ANPEP: variants seen among roughly 807,000 people sequenced by gnomAD.
ANPEP encodes the protein alanyl aminopeptidase, membrane.
In ANPEP, 70 loss-of-function variants were observed where a neutral mutation model predicts 114.6. The ratio of observed to expected loss-of-function variants is 0.61; its 90% CI spans 0.50 to 0.75. The LOEUF (loss-of-function observed/expected upper bound fraction) is 0.75. ANPEP is among the 30% of genes least tolerant of loss of function. ANPEP has a pLI of 0.00. For missense variants in ANPEP, 1,184 were observed against 1,259.5 expected, an observed-to-expected ratio of 0.94 and a Z score of 0.91; for synonymous variants, 548 against 522.3, an observed-to-expected ratio of 1.05 and a Z score of -0.67.
At chr15:89,813,749 C>A (rs1219458109) in intron 1 of ANPEP, among the ~76,000 whole-genome samples, 1 of 152,202 alleles carries the variant, frequency 6.6e-6, no homozygotes, top group Non-Finnish European at 1.5e-5. Context: ...CCTGAGGGGC[C>A]CTCTGGTCCA....
At chr15:89,801,866 G>C (rs375391781) in intron 10 of ANPEP, among the ~76,000 whole-genome samples, 1 of 152,232 alleles carries the variant, frequency 6.6e-6, no homozygotes, top group African/African-American at 2.4e-5. Context: ...AGGTGTGTAT[G>C]TCAGGGAGGG....
intron 1 of ANPEP, among the ~76,000 whole-genome samples, chr15:89,811,078 C>T (rs1023551977): frequency 2.0e-5 from 3 of 152,308 alleles, no homozygotes; most frequent in East Asian, 1.9e-4. Context: ...GAGGGCAACA[C>T]GTGCTTGTGG....
At position 89,806,233 on chromosome 15, in the gene ANPEP, A is replaced by C. The variant is rs1894710007; in HGVS notation, c.351T>G (p.Thr117=). The C allele has an allele frequency of 3.1e-6, 5 of 1,614,020 alleles. No individual in the cohort carries two copies. The South Asian group carries it at 5.5e-5, about 18-fold the overall frequency. Residue 117 remains threonine, a synonymous_variant, in exon 2 of 21, where the codon ACT becomes ACG. Transcript: ENST00000300060. The surrounding 1 kb of genome is among the most constrained non-coding windows in gnomAD (Gnocchi z 5.7). The part of the protein sequence containing the change: ...STVRFTCKEA[T]DVIIIHSKKL... ...TCTTGCTGTGGATGATGATGACGTCAGTGGCCTCCTTGCAGGTGAAACGGA... is the reference window on the plus strand; with the variant it reads ...TCTTGCTGTGGATGATGATGACGTCCGTGGCCTCCTTGCAGGTGAAACGGA...
In ANPEP at chr15:89,806,029, C is replaced by T. The variant is rs769559685; in HGVS notation, c.555G>A (p.Glu185=). 6.2e-7 allele frequency: 1 copy of T among 1,611,438 alleles called. No individual in the cohort carries two copies. Among genetic ancestry groups the T allele is most frequent in the African/African-American group, 1.3e-5 (1 of 75,000 alleles). ...AGAAGCCCGCCAGGTCATCTGCCAACTCCCCCTCGAACTCGCTGTCCATCT... is the reference window on the plus strand; with the variant it reads ...AGAAGCCCGCCAGGTCATCTGCCAATTCCCCCTCGAACTCGCTGTCCATCT... The part of the protein sequence containing the change: ...QYEMDSEFEG[E]LADDLAGFYR... The change falls in exon 2 of 21, where the codon GAG becomes GAA. Residue 185 remains glutamate, a synonymous_variant. Transcript: ENST00000300060. The surrounding 1 kb of genome is among the most constrained non-coding windows in gnomAD (Gnocchi z 5.7).
intron 4 of ANPEP, 59 bp from the exon 5 acceptor site, chr15:89,804,676 G>T: frequency 6.3e-7 from 1 of 1,588,548 alleles, no homozygotes; most frequent in South Asian, 1.1e-5. Context: ...GGGCAGGTGG[G>T]CTGGGTCCCA....
chr15:89,807,585 C>A (rs533626109), intron 1 of ANPEP, among the ~76,000 whole-genome samples: 13 of 152,246 alleles, frequency 8.5e-5, no homozygotes, highest in African/African-American at 3.1e-4. Flanking sequence ...GTCTGTAATC[C>A]CAGCTACTTG....
In ANPEP at chr15:89,806,100, G is replaced by C; in HGVS notation, c.484C>G (p.Leu162Val). ...KTELVEPTEY[L>V]VVHLKGSLVK... Reference sequence around the variant, plus strand: ...AGGGAGCCCTTGAGGTGCACCACCAGGTACTCGGTGGGCTCCACCAGCTCA... The same window carrying C: ...AGGGAGCCCTTGAGGTGCACCACCACGTACTCGGTGGGCTCCACCAGCTCA... Residue 162 changes from leucine (L) to valine (V), a missense_variant, in exon 2 of 21, where the codon CTG (leucine) becomes GTG (valine). Transcript: ENST00000300060. This position sits in a 1 kb window ranked among gnomAD's most constrained non-coding sequence, Gnocchi z 5.7. 6.2e-7 allele frequency: 1 copy of C among 1,614,110 alleles called. No homozygotes were observed. Among genetic ancestry groups the C allele is most frequent in the Non-Finnish European group, 8.5e-7 (1 of 1,179,996 alleles).
rs370456207 is a variant in ANPEP at position 89,801,552 on chromosome 15, C to A, written c.1625G>T (p.Arg542Leu). The part of the protein sequence containing the change: ...LPTTVRDIMN[R>L]WTLQMGFPVI... ...CGGGAAGCCCATCTGCAGGGTCCAG[C>A]GGTTCATGATGTCCCGCACGGTGGT... Residue 542 changes from arginine to leucine, a missense_variant, in exon 11 of 21, where the codon CGC becomes CTC. By Grantham distance (102) the Arg-to-Leu change is moderately radical. Transcript: ENST00000300060. 1.2e-6 allele frequency: 2 copies of A among 1,614,172 alleles called. No individual in the cohort carries two copies. The highest frequency in any genetic ancestry group is 1.7e-6 in the Non-Finnish European group (2 of 1,179,998).
At chr15:89,809,874 C>T (rs988469763) in intron 1 of ANPEP, among the ~76,000 whole-genome samples, 11 of 152,250 alleles carry the variant, frequency 7.2e-5, no homozygotes, top group Admixed American at 4.6e-4. Flanking sequence ...CAGCTGCCAG[C>T]GTCTCCCCAG....
chr15:89,800,805 G>A (rs112938613), intron 12 of ANPEP, among the ~76,000 whole-genome samples: 18,182 of 151,984 alleles, frequency 0.12, 1,204 homozygotes, highest in Middle Eastern at 0.33. Context: ...AGGTCGCCTC[G>A]GCCTCCCAAA....
chr15:89,804,934 C>G, intron 4 of ANPEP, 144 bp downstream of exon 4: 1 of 1,215,872 alleles, frequency 8.2e-7, no homozygotes, highest in Admixed American at 2.3e-5. Context: ...AACCAGAGAA[C>G]AAGACACTTG....
intron 1 of ANPEP, among the ~76,000 whole-genome samples, chr15:89,812,364 C>T (rs1257288071): frequency 6.6e-6 from 1 of 152,210 alleles, no homozygotes; most frequent in African/African-American, 2.4e-5. Flanking sequence ...GGGCCTGGGC[C>T]AGGGCACACT....
chr15:89,805,643 G>A (rs763970409), intron 2 of ANPEP, among the ~76,000 whole-genome samples, 180 bp from the exon 3 acceptor site: 21 of 152,314 alleles, frequency 1.4e-4, no homozygotes, highest in Non-Finnish European at 2.4e-4. Flanking sequence ...CAGCTGACTC[G>A]TGGGGGTTGG....
chr15:89,804,418 G>C lies in ANPEP; in HGVS notation c.1025-11C>G. ...GCAGGCCAATCTGGTCTGGGGAGGCGATGCCATTGGCAGGATGAACTCCGG... is the reference window on the plus strand; with the variant it reads ...GCAGGCCAATCTGGTCTGGGGAGGCCATGCCATTGGCAGGATGAACTCCGG... On this transcript the variant is annotated splice_polypyrimidine_tract_variant and intron_variant, in intron 5 of 20. Transcript: ENST00000300060. 2 of 1,614,172 alleles carry C rather than the reference G, an allele frequency of 1.2e-6. No individual in the cohort carries two copies. Among genetic ancestry groups the C allele is most frequent in the Non-Finnish European group, 1.7e-6 (2 of 1,179,990 alleles).
chr15:89,791,891 T>C (rs1172357683), intron 18 of ANPEP, among the ~76,000 whole-genome samples: 1 of 152,100 alleles, frequency 6.6e-6, no homozygotes, highest in Non-Finnish European at 1.5e-5. Flanking sequence ...ACCAGAGCCT[T>C]TGACAGAAGG....
At chr15:89,804,446 G>T (rs768323157) in intron 5 of ANPEP, 39 bp from the exon 6 acceptor site, 5 of 1,614,110 alleles carry the variant, frequency 3.1e-6, no homozygotes, top group Non-Finnish European at 4.2e-6. Flanking sequence ...AACTCCGGGA[G>T]TGGAGCTCCA....
At chr15:89,807,693 T>A (rs1894743237) in intron 1 of ANPEP, among the ~76,000 whole-genome samples, 1 of 152,048 alleles carries the variant, frequency 6.6e-6, no homozygotes, top group Non-Finnish European at 1.5e-5. Flanking sequence ...AGAGTGAGAC[T>A]CAAAAGAAAA....
Position 89,791,068 on chromosome 15 carries a change from C to G in ANPEP, c.2554G>C (p.Asp852His). ...NRYLSYTLNP[D>H]LIRKQDATST... is the part of the protein sequence containing the mutation. ...GTGGCGTCCTGCTTCCGGATTAAGT[C>G]CGGGTTCAGGGTGTAGCTCAGGTAC... The change falls in exon 19 of 21, where the codon GAC becomes CAC. Residue 852 changes from aspartate to histidine, a missense_variant. Asp to His is a moderately conservative substitution (Grantham distance 81). Coordinates refer to ENST00000300060, the MANE Select transcript of ANPEP (RefSeq NM_001150.3). 6.2e-7 allele frequency: 1 copy of G among 1,614,204 alleles called. No homozygotes were observed. The highest frequency in any genetic ancestry group is 8.5e-7 in the Non-Finnish European group (1 of 1,180,028).
chr15:89,812,139 G>A (rs1383162081), intron 1 of ANPEP, among the ~76,000 whole-genome samples: 3 of 152,210 alleles, frequency 2.0e-5, no homozygotes, highest in Non-Finnish European at 2.9e-5. Context: ...CCAGGAGCCT[G>A]GGAGGGGCTG....
Sources: gnomAD v4.1 joint callset for allele counts (sites outside exome capture counted in the v4.1 genomes callset) on GRCh38, gnomAD v4.1.1 for gene constraint, Gnocchi (gnomAD v3.1) non-coding constraint, MANE v1.5 for transcripts, NCBI Gene and HGNC (gene_info 2026-07-23, HGNC 2026-07-21) for gene names.